Variants in NTNG1 observed in about 807,000 individuals in gnomAD.
The protein encoded by NTNG1 is netrin G1, also known as netrin-G1.
Under a neutral mutation model 54.0 loss-of-function variants are expected in NTNG1, and 16 were observed. The observed-to-expected ratio is 0.30, with a 90% CI of 0.20 to 0.45. The LOEUF (loss-of-function observed/expected upper bound fraction) is 0.45. Ranked by LOEUF, NTNG1 falls within the 20% of genes least tolerant of loss-of-function variation. The pLI, the probability that NTNG1 is intolerant of heterozygous loss-of-function variation, is 1.00. For missense variants in NTNG1, 530 were observed against 678.7 expected (o/e 0.78, Z 2.43); for synonymous variants, 255 against 263.1 (o/e 0.97, Z 0.30).
chr1:107,258,037 A>G (rs1663037738), intron 2 of NTNG1, among the ~76,000 whole-genome samples: 2 of 152,176 alleles, frequency 1.3e-5, no homozygotes, highest in African/African-American at 2.4e-5. Context: ...AATTTTGGAC[A>G]TGTAGGATTA....
chr1:107,456,971 A>T (rs529487708), intron 7 of NTNG1, among the ~76,000 whole-genome samples: 16 of 152,336 alleles, frequency 1.1e-4, no homozygotes, highest in Non-Finnish European at 1.6e-4. Context: ...CTTCTGCAGA[A>T]ATGAAGCACA....
At chr1:107,411,953 A>G (rs1332417209) in intron 5 of NTNG1, among the ~76,000 whole-genome samples, 1 of 152,212 alleles carries the variant, frequency 6.6e-6, no homozygotes, top group African/African-American at 2.4e-5. Flanking sequence ...GAATATTCCA[A>G]TGGAGGAGCT....
chr1:107,157,388 C>T (rs568746541), intron 2 of NTNG1, among the ~76,000 whole-genome samples: 1 of 152,100 alleles, frequency 6.6e-6, no homozygotes, highest in South Asian at 2.1e-4. Flanking sequence ...TCAAATTGTC[C>T]ACCAGAAAGA....
chr1:107,268,051 T>A (rs1570541981), intron 2 of NTNG1, among the ~76,000 whole-genome samples: 1 of 152,316 alleles, frequency 6.6e-6, no homozygotes, highest in South Asian at 2.1e-4. Context: ...CTGCAGATAT[T>A]CTTCTCCTTT....
At chr1:107,209,073 T>G (rs1431994354) in intron 2 of NTNG1, among the ~76,000 whole-genome samples, 1 of 152,030 alleles carries the variant, frequency 6.6e-6, no homozygotes, top group Admixed American at 6.6e-5. Context: ...CTTTGATACT[T>G]TTTCAAACCT....
chr1:107,319,657 G>GT (rs917076505), intron 2 of NTNG1, among the ~76,000 whole-genome samples: 2 of 151,926 alleles, frequency 1.3e-5, no homozygotes, highest in Non-Finnish European at 2.9e-5. Flanking sequence ...TTCATGATTC[G>GT]TTTAAGTGTT....
intron 2 of NTNG1, among the ~76,000 whole-genome samples, chr1:107,189,839 G>T (rs1657772247): frequency 6.6e-6 from 1 of 151,570 alleles, no homozygotes; most frequent in East Asian, 1.9e-4. Context: ...AAAAGGGGGG[G>T]GCCTTACTGG....
At chr1:107,412,916 G>A (rs1241829770) in intron 5 of NTNG1, among the ~76,000 whole-genome samples, 1 of 152,110 alleles carries the variant, frequency 6.6e-6, no homozygotes, top group Non-Finnish European at 1.5e-5. Context: ...TCTTCATCAG[G>A]ATAGTTGCTT....
At chr1:107,281,445 G>A (rs1302039596) in intron 2 of NTNG1, among the ~76,000 whole-genome samples, 1 of 151,996 alleles carries the variant, frequency 6.6e-6, no homozygotes, top group Non-Finnish European at 1.5e-5. Flanking sequence ...TGCAAAACTT[G>A]ATGGTTATGT....
chr1:107,175,609 TG>T (rs1378821542), intron 2 of NTNG1, among the ~76,000 whole-genome samples: 6 of 152,158 alleles, frequency 3.9e-5, no homozygotes, highest in African/African-American at 1.4e-4. Flanking sequence ...CTGTGTGTTT[TG>T]TTTTTTTTTT....
chr1:107,428,234 A>T (rs1320873249), intron 5 of NTNG1, among the ~76,000 whole-genome samples: 9 of 151,804 alleles, frequency 5.9e-5, no homozygotes. Flanking sequence ...GTTTTAATAA[A>T]CTCTACCTGC....
At chr1:107,255,479 A>G (rs1570968632) in intron 2 of NTNG1, among the ~76,000 whole-genome samples, 2 of 152,224 alleles carry the variant, frequency 1.3e-5, no homozygotes, top group African/African-American at 4.8e-5. Flanking sequence ...ATTAGCCCAG[A>G]TGAAAATATA....
chr1:107,327,008 A>G (rs971714744), intron 3 of NTNG1, among the ~76,000 whole-genome samples: 2 of 152,026 alleles, frequency 1.3e-5, no homozygotes, highest in African/African-American at 4.8e-5. Flanking sequence ...ATTTCCTCCA[A>G]CTGCATTTCA....
chr1:107,361,594 G>A (rs1010118507), intron 3 of NTNG1, among the ~76,000 whole-genome samples: 7 of 151,380 alleles, frequency 4.6e-5, no homozygotes, highest in African/African-American at 1.7e-4. Context: ...CAGCACGTTG[G>A]TCAGGCTGGT....
intron 4 of NTNG1, among the ~76,000 whole-genome samples, chr1:107,404,779 T>C (rs374659799): frequency 1.4e-3 from 207 of 152,234 alleles, no homozygotes; most frequent in African/African-American, 4.4e-3. Context: ...AGAGAGTAGC[T>C]AACTCACATC....
chr1:107,464,643 C>G (rs1677488962), intron 7 of NTNG1, among the ~76,000 whole-genome samples: 1 of 152,108 alleles, frequency 6.6e-6, no homozygotes, highest in African/African-American at 2.4e-5. Context: ...GCATACCAAG[C>G]AGCAGCACAT....
At chr1:107,429,506 A>G (rs1675120195) in intron 5 of NTNG1, among the ~76,000 whole-genome samples, 1 of 152,194 alleles carries the variant, frequency 6.6e-6, no homozygotes, top group Non-Finnish European at 1.5e-5. Context: ...ACACATAGGT[A>G]GACCAACTCA....
At position 107,252,237 on chromosome 1, in the gene NTNG1, T is replaced by A. The variant is rs1209926517; in HGVS notation, c.247-72045T>A. On this transcript the variant is annotated intron_variant, in intron 2 of 7. Transcript: ENST00000370068. ...CACTGGCACCTACTTTTATATAGGA[T>A]CTTTTACTGTAGCCCCATGATGCAT... 2.6e-5 allele frequency among the ~76,000 whole-genome samples: 4 copies of A among 152,244 alleles called. No individual in the cohort carries two copies. The South Asian group carries it at 6.2e-4, about 24-fold the overall frequency.
intron 6 of NTNG1, among the ~76,000 whole-genome samples, chr1:107,431,300 T>C (rs1675249842): frequency 6.6e-6 from 1 of 152,182 alleles, no homozygotes; most frequent in Admixed American, 6.5e-5. Flanking sequence ...ATATGCGATT[T>C]AATTATAGAT....
Sources: gnomAD v4.1 joint callset for allele counts (sites outside exome capture counted in the v4.1 genomes callset) on GRCh38, gnomAD v4.1.1 for gene constraint, MANE v1.5 for transcripts, NCBI Gene and HGNC (gene_info 2026-07-23, HGNC 2026-07-21) for gene names.